PPP2R2C: variants seen among roughly 807,000 people sequenced by gnomAD.
The protein encoded by PPP2R2C is protein phosphatase 2, regulatory subunit B, gamma.
A neutral mutation model predicts 45.3 loss-of-function variants in PPP2R2C; 10 were observed. The observed-to-expected ratio is 0.22, with a 90% CI of 0.14 to 0.37. The LOEUF is 0.37. PPP2R2C is among the 10% of genes least tolerant of loss of function. PPP2R2C has a pLI of 1.00. For synonymous variants in PPP2R2C, 257 were observed against 245.4 expected (o/e 1.05, Z -0.44); for missense variants, 308 against 619.7 (o/e 0.50, Z 5.34).
chr4:6,346,373 C>G (rs796805287), intron 6 of PPP2R2C, among the ~76,000 whole-genome samples: 1 of 152,174 alleles, frequency 6.6e-6, no homozygotes. Flanking sequence ...CCCCAGAGAT[C>G]GGCACCACCC....
intron 1 of PPP2R2C, among the ~76,000 whole-genome samples, chr4:6,536,170 A>G (rs1724605681): frequency 6.6e-6 from 1 of 152,228 alleles, no homozygotes; most frequent in African/African-American, 2.4e-5. Flanking sequence ...CTCAAGGTGA[A>G]GGATAGGAAC....
chr4:6,539,709 A>T (rs1235713461), intron 1 of PPP2R2C, among the ~76,000 whole-genome samples: 1 of 152,206 alleles, frequency 6.6e-6, no homozygotes, highest in Non-Finnish European at 1.5e-5. Context: ...GAAGAATCAG[A>T]TCTGGGGTTT....
At chr4:6,532,062 T>C (rs560434464) in intron 2 of PPP2R2C, among the ~76,000 whole-genome samples, 3 of 152,288 alleles carry the variant, frequency 2.0e-5, no homozygotes, top group Admixed American at 2.0e-4. Flanking sequence ...CCCTGTGACA[T>C]TGTCAGGAAG....
chr4:6,344,201 G>A (rs1294977602), intron 6 of PPP2R2C, among the ~76,000 whole-genome samples: 1 of 152,262 alleles, frequency 6.6e-6, no homozygotes, highest in East Asian at 1.9e-4. Context: ...GAACCTCAGT[G>A]CAATCCGGAG....
chr4:6,483,431 A>C (rs570578717), intron 2 of PPP2R2C, among the ~76,000 whole-genome samples: 1 of 152,182 alleles, frequency 6.6e-6, no homozygotes, highest in South Asian at 2.1e-4. Flanking sequence ...ATCCTCACCA[A>C]AATTTGGTAT....
chr4:6,460,488 A>G (rs1159127002), intron 1 of PPP2R2C, among the ~76,000 whole-genome samples: 2 of 152,236 alleles, frequency 1.3e-5, no homozygotes, highest in Non-Finnish European at 2.9e-5. Flanking sequence ...ACTGTGTTAT[A>G]GAAGTCCCAG....
chr4:6,356,046 C>A, intron 5 of PPP2R2C, among the ~76,000 whole-genome samples: 1 of 148,452 alleles, frequency 6.7e-6, no homozygotes, highest in Non-Finnish European at 1.5e-5. Flanking sequence ...GCACGTCACA[C>A]GTGCTGCGGG....
intron 1 of PPP2R2C, among the ~76,000 whole-genome samples, chr4:6,460,202 T>C (rs1407737767): frequency 1.3e-5 from 2 of 152,184 alleles, no homozygotes; most frequent in African/African-American, 4.8e-5. Context: ...AACCTCAAAA[T>C]GTGACTGTGT....
chr4:6,548,508 T>C (rs143562816), intron 1 of PPP2R2C, among the ~76,000 whole-genome samples: 13 of 152,290 alleles, frequency 8.5e-5, no homozygotes, highest in African/African-American at 2.9e-4. Flanking sequence ...AAAACAGCCC[T>C]GTATTTGGAT....
rs112326327 is a variant in PPP2R2C, at chr4:6,539,754, C to T, written c.-58-4377G>A. ...CCCTGCAGGCGGAAGCTGCACTAGG[C>T]ATTCCCGATTACCCTCGCTCAGCCT... is the stretch of plus-strand genomic sequence containing the variant. On this transcript the variant is annotated intron_variant, in intron 1 of 9. Transcript: ENST00000506140. Among the ~76,000 whole-genome samples the T allele has an allele frequency of 6.4e-3, 968 of 152,312 alleles. 4 individuals carry two copies. The highest frequency in any genetic ancestry group is 0.01 in the Non-Finnish European group (711 of 68,030).
chr4:6,405,206 T>C (rs1717714860), intron 1 of PPP2R2C, among the ~76,000 whole-genome samples: 1 of 152,168 alleles, frequency 6.6e-6, no homozygotes. Context: ...GTTTTACAGA[T>C]GAGGAAGCCA....
At chr4:6,468,919 GGCCCAGT>G (rs199970515) in intron 1 of PPP2R2C, among the ~76,000 whole-genome samples, 1,765 of 151,402 alleles carry the variant, frequency 0.012, 29 homozygotes, top group African/African-American at 0.04. Context: ...CAGGGCCCAG[GGCCCAGT>G]GCCCTATCAG....
intron 1 of PPP2R2C, chr4:6,381,637 C>A: frequency 6.7e-7 from 1 of 1,497,050 alleles, no homozygotes; most frequent in Non-Finnish European, 8.9e-7. Context: ...CACCTCCAGG[C>A]AGGCCTCTGG....
chr4:6,368,305 C>T lies in PPP2R2C; in HGVS notation c.625+4218G>A, dbSNP rs1714509693. Among the ~76,000 whole-genome samples, 1 of 152,290 alleles carries T rather than the reference C, an allele frequency of 6.6e-6. No homozygotes were observed. The highest frequency in any genetic ancestry group is 2.1e-4 in the South Asian group (1 of 4,822). On this transcript the variant is annotated intron_variant, in intron 5 of 8. Coordinates refer to ENST00000382599, the MANE Select transcript of PPP2R2C (RefSeq NM_020416.4). This position sits in a 1 kb window ranked among gnomAD's most constrained non-coding sequence, Gnocchi z 4.2. ...GCAGGCGTGGCTGGAGAGAAATGTA[C>T]ACGGCTGCGCTGGCTGGGCCACCGA...
At chr4:6,373,305 G>A (rs1359199213) in intron 4 of PPP2R2C, among the ~76,000 whole-genome samples, 1 of 152,256 alleles carries the variant, frequency 6.6e-6, no homozygotes, top group African/African-American at 2.4e-5. Flanking sequence ...TTCCCATAGT[G>A]AGAAATGCAT....
At chr4:6,360,416 G>C (rs972974479) in intron 5 of PPP2R2C, among the ~76,000 whole-genome samples, 4 of 152,152 alleles carry the variant, frequency 2.6e-5, no homozygotes, top group Non-Finnish European at 5.9e-5. Context: ...ATGAGAAAGA[G>C]GGCTGCAGCC....
rs938200597 is a variant in PPP2R2C, at chr4:6,563,093, C to A, written c.-59+467G>T. On this transcript the variant is annotated intron_variant, in intron 1 of 9. Transcript: ENST00000506140. The surrounding 1 kb of genome is among the most constrained non-coding windows in gnomAD (Gnocchi z 5.8). ...ACCCGCGGCCGGGACTGAACTCCGC[C>A]GCATTGGGTCTTACCCCGGACTCCG... 2.0e-5 allele frequency among the ~76,000 whole-genome samples: 3 copies of A among 152,212 alleles called. No homozygotes were observed. The highest frequency in any genetic ancestry group is 4.8e-5 in the African/African-American group (2 of 41,454).
At chr4:6,327,011 G>T (rs747790307) in intron 8 of PPP2R2C, among the ~76,000 whole-genome samples, 2 of 152,230 alleles carry the variant, frequency 1.3e-5, no homozygotes, top group Non-Finnish European at 2.9e-5. Flanking sequence ...CTGAGGCCCT[G>T]GAAGGCAGGA....
intron 1 of PPP2R2C, among the ~76,000 whole-genome samples, chr4:6,460,525 T>C (rs1043864353): frequency 2.0e-5 from 3 of 152,190 alleles, no homozygotes; most frequent in Non-Finnish European, 2.9e-5. Flanking sequence ...GCTGTGTTAT[T>C]TTCTAAGCTA....
Sources: allele counts gnomAD v4.1 joint callset (sites outside exome capture counted in the v4.1 genomes callset), GRCh38; gene constraint gnomAD v4.1.1; non-coding constraint Gnocchi (gnomAD v3.1); transcripts MANE v1.5; gene names NCBI Gene and HGNC (gene_info 2026-07-23, HGNC 2026-07-21).